Variants in ABCA2 observed in about 807,000 individuals in gnomAD.
The protein encoded by ABCA2 is ATP binding cassette subfamily A member 2.
A neutral mutation model predicts 262.8 loss-of-function variants in ABCA2; 84 were observed. The observed-to-expected ratio is 0.32, with a 90% CI of 0.27 to 0.38. The LOEUF (loss-of-function observed/expected upper bound fraction) is 0.38. ABCA2 is among the 10% of genes least tolerant of loss of function. The pLI is 1.00. For synonymous variants in ABCA2, 1,696 were observed against 1,502.9 expected (o/e 1.13, Z -2.97); for missense variants, 2,662 against 3,405.9 (o/e 0.78, Z 5.44).
At chr9:137,013,361 C>T (rs781564931) in intron 29 of ABCA2, 43 bp from the exon 30 acceptor site, 1 of 1,527,124 alleles carries the variant, frequency 6.5e-7, no homozygotes, top group Non-Finnish European at 8.8e-7. Flanking sequence ...CAGTCTCCGC[C>T]CCTCGCCAGC....
intron 3 of ABCA2, 60 bp from the exon 4 acceptor site, chr9:137,023,112 A>C: frequency 7.7e-7 from 1 of 1,300,238 alleles, no homozygotes; most frequent in Non-Finnish European, 1.1e-6. Context: ...AGAGAGAGGA[A>C]TCCAGAAGGG....
chr9:137,017,152 G>A (rs750660722), intron 18 of ABCA2, 28 bp from the exon 19 acceptor site: 1 of 1,611,568 alleles, frequency 6.2e-7, no homozygotes, highest in African/African-American at 1.3e-5. Context: ...TCAGCACGTG[G>A]GGTGGCCCGG....
In ABCA2 at chr9:137,020,773, G is replaced by T; in HGVS notation, c.1186C>A (p.Pro396Thr). The change falls in exon 9 of 49, where the codon CCG becomes ACG. Residue 396 changes from proline (P) to threonine (T), a missense_variant. Transcript: ENST00000341511. ...GAGCACTGGCCCTGCAGCGTGTCCG[G>T]GGTGGCCAGTGCTGCAGCAGAGGGT... ...GAPSAAALAT[P>T]DTLQGQCSAF... 1 of 1,596,208 alleles carries T rather than the reference G, an allele frequency of 6.3e-7. No homozygotes were observed.
Position 137,021,485 on chromosome 9 carries a change from G to T in ABCA2, c.804C>A (p.Val268=). The part of the protein sequence containing the change: ...KGALQGYRDA[V]CSGQAAARAR... ...CACGCGCAGCAGCCTGCCCACTGCA[G>T]ACAGCATCCCGGTAGCCCTGCAGGG... Residue 268 remains valine (V), a synonymous_variant, in exon 8 of 49, where the codon GTC becomes GTA. Transcript: ENST00000341511. The surrounding 1 kb of genome is among the most constrained non-coding windows in gnomAD (Gnocchi z 6.0). The T allele has an allele frequency of 6.2e-7, 1 of 1,611,568 alleles. No homozygotes were observed. The highest frequency in any genetic ancestry group is 8.5e-7 in the Non-Finnish European group (1 of 1,179,474).
At position 137,007,803 on chromosome 9, in the gene ABCA2, C is replaced by T. The variant is rs1180303451; in HGVS notation, c.*126G>A. 6 of 1,320,246 alleles carry T rather than the reference C, an allele frequency of 4.5e-6. No individual in the cohort carries two copies. The East Asian group carries it at 1.3e-4, about 28-fold the overall frequency. 81.8% of individuals were successfully genotyped at this position (1,320,246 alleles called of 1,614,324 possible). ...TACAGGGGCTGGAGGACCAGAAGCC[C>T]CTTGGTCCTGAACCTCCACTCCAGG... On this transcript the variant is annotated 3_prime_UTR_variant, in exon 49 of 49. Transcript: ENST00000341511.
chr9:137,020,829 A>G lies in ABCA2; in HGVS notation c.1130T>C (p.Met377Thr), dbSNP rs1277055299. The change falls in exon 9 of 49, where the codon ATG becomes ACG. Residue 377 changes from methionine (M) to threonine (T), a missense_variant. Around this residue, in one of 12 missense-constraint regions of ABCA2, gnomAD observed 403 missense variants for 375.9 expected, o/e 1.07. Transcript: ENST00000341511. Reference sequence around the variant, plus strand: ...CTCCTCAGCGGTGGCGTTGGGGCCCATGACTGCCCCTGCCCCAGTGCCATT... The same window carrying G: ...CTCCTCAGCGGTGGCGTTGGGGCCCGTGACTGCCCCTGCCCCAGTGCCATT... ...AANGTGAGAV[M>T]GPNATAEEGA... The G allele has an allele frequency of 1.9e-6, 3 of 1,555,652 alleles. No individual in the cohort carries two copies. Among genetic ancestry groups the G allele is most frequent in the African/African-American group, 1.4e-5 (1 of 73,376 alleles).
Position 137,022,799 on chromosome 9 carries a change from C to T in ABCA2, c.342G>A (p.Arg114=). 6.3e-7 allele frequency: 1 copy of T among 1,593,962 alleles called. No homozygotes were observed. The highest frequency in any genetic ancestry group is 8.5e-7 in the Non-Finnish European group (1 of 1,171,758). The part of the protein sequence containing the change: ...VEEGNLFDPA[R]PSLGSELEAL... ...CCTCGAGCTCTGAGCCCAGGCTGGG[C>T]CGCGCTGGGTCAAACAGGTTGCCTT... The change falls in exon 5 of 49, where the codon CGG becomes CGA. Residue 114 remains arginine, a synonymous_variant. Coordinates refer to ENST00000341511, the MANE Select transcript of ABCA2 (RefSeq NM_001606.5).
In ABCA2 at chr9:137,022,346, C is replaced by T. The variant is rs1831499301; in HGVS notation, c.567+5G>A. 1 of 1,599,670 alleles carries T rather than the reference C, an allele frequency of 6.3e-7. No homozygotes were observed. The highest frequency in any genetic ancestry group is 1.1e-5 in the South Asian group (1 of 89,032). On this transcript the variant is annotated splice_donor_5th_base_variant and intron_variant, in intron 6 of 48. Transcript: ENST00000341511. ...GGCCAGGGCTGGGAGCTGTCCCTGCCTTACCTCGGGCGGGTCCACACGGGC... is the reference window on the plus strand; with the variant it reads ...GGCCAGGGCTGGGAGCTGTCCCTGCTTTACCTCGGGCGGGTCCACACGGGC...
Position 137,020,364 on chromosome 9 carries a change from C to T in ABCA2, c.1397G>A (p.Gly466Asp). 7.4e-6 allele frequency: 12 copies of T among 1,612,968 alleles called. No individual in the cohort carries two copies. Among genetic ancestry groups the T allele is most frequent in the Non-Finnish European group, 1.0e-5 (12 of 1,179,984 alleles). The change falls in exon 10 of 49, where the codon GGC (glycine) becomes GAC (aspartate). Residue 466 changes from glycine (G) to aspartate (D), a missense_variant. Coordinates refer to ENST00000341511, the MANE Select transcript of ABCA2 (RefSeq NM_001606.5). ...GAGGATGACGCGGTCGACCTCAGAGCCCGCAGGCGCGTACAGGATTTTGGG... is the reference window on the plus strand; with the variant it reads ...GAGGATGACGCGGTCGACCTCAGAGTCCGCAGGCGCGTACAGGATTTTGGG... ...SNPKILYAPA[G>D]SEVDRVILKA...
At chr9:137,020,265 A>T in intron 10 of ABCA2, 71 bp downstream of exon 10, 1 of 1,591,888 alleles carries the variant, frequency 6.3e-7, no homozygotes, top group Non-Finnish European at 8.5e-7. Context: ...CCCTCTGCCC[A>T]GGGGTCCCAG....
At position 137,009,071 on chromosome 9, in the gene ABCA2, TGGCCCGGAG is replaced by T; in HGVS notation, c.6828-27_6828-19del. The T allele has an allele frequency of 2.5e-6, 4 of 1,601,314 alleles. No individual in the cohort carries two copies. Among genetic ancestry groups the T allele is most frequent in the Non-Finnish European group, 3.4e-6 (4 of 1,178,590 alleles). Reference sequence around the variant, plus strand: ...CTCCAAACCTGGTGGGACAGGCCGGTGGCCCGGAGCCCTGCGCCGCCCAGCCAGAGCCCC... The same window carrying T: ...CTCCAAACCTGGTGGGACAGGCCGGTCCCTGCGCCGCCCAGCCAGAGCCCC... On this transcript the variant is annotated intron_variant, in intron 45 of 48. Coordinates refer to ENST00000341511, the MANE Select transcript of ABCA2 (RefSeq NM_001606.5).
chr9:137,010,074 T>C lies in ABCA2; in HGVS notation c.6404A>G (p.Gln2135Arg). Residue 2135 changes from glutamine (Q) to arginine (R), a missense_variant, in exon 42 of 49, where the codon CAG becomes CGG. Transcript: ENST00000341511. ...QVQQSLGYCPQCDALFDELTA... is the reference protein window; with the variant it reads ...QVQQSLGYCPRCDALFDELTA... ...GAGCTCGTCGAACAGCGCGTCACACTGCGGGCAGTAGCCGAGGCTCTGCTG... is the reference window on the plus strand; with the variant it reads ...GAGCTCGTCGAACAGCGCGTCACACCGCGGGCAGTAGCCGAGGCTCTGCTG... 1 of 1,600,432 alleles carries C rather than the reference T, an allele frequency of 6.2e-7. No individual in the cohort carries two copies. The highest frequency in any genetic ancestry group is 8.5e-7 in the Non-Finnish European group (1 of 1,177,360).
Position 137,016,728 on chromosome 9 carries a change from C to T in ABCA2, c.2769G>A (p.Gly923=), listed in dbSNP as rs1831271888. 1 of 1,553,000 alleles carries T rather than the reference C, an allele frequency of 6.4e-7. No homozygotes were observed. Among genetic ancestry groups the T allele is most frequent in the Non-Finnish European group, 8.7e-7 (1 of 1,151,348 alleles). ...GTGGGAAGTACCAGGGCCGGGGCAG[C>T]CCGTACATGCCTGGGGGTCGGGGAG... ...YIEAVHPGMY[G]LPRPWYFPLQ... is the part of the protein sequence containing the mutation. Residue 923 remains glycine (G), a synonymous_variant, in exon 20 of 49, where the codon GGG becomes GGA. Coordinates refer to ENST00000341511, the MANE Select transcript of ABCA2 (RefSeq NM_001606.5).
In ABCA2 at chr9:137,015,705, T is replaced by C; in HGVS notation, c.3484A>G (p.Ile1162Val). 6.2e-7 allele frequency: 1 copy of C among 1,610,272 alleles called. No homozygotes were observed. The highest frequency in any genetic ancestry group is 8.5e-7 in the Non-Finnish European group (1 of 1,178,976). Reference protein sequence around the residue: ...AGVDPYARRAIWDLILKYKPG... With the variant: ...AGVDPYARRAVWDLILKYKPG... Reference sequence around the variant, plus strand: ...TTGTACTTCAGGATGAGGTCCCAGATGGCGCGGCGCGCGTAGGGGTCCACG... The same window carrying C: ...TTGTACTTCAGGATGAGGTCCCAGACGGCGCGGCGCGCGTAGGGGTCCACG... Residue 1162 changes from isoleucine to valine, a missense_variant, in exon 23 of 49, where the codon ATC becomes GTC. By Grantham distance (29) the Ile-to-Val change is conservative (BLOSUM62 3). Coordinates refer to ENST00000341511, the MANE Select transcript of ABCA2 (RefSeq NM_001606.5).
chr9:137,013,728 G>A, intron 28 of ABCA2, 104 bp downstream of exon 28: 1 of 1,397,824 alleles, frequency 7.2e-7, no homozygotes, highest in Non-Finnish European at 9.8e-7. Flanking sequence ...CTCAGGTGTG[G>A]GGTGAGGCCC....
rs1456172982 is a variant in ABCA2 at position 137,016,534 on chromosome 9, C to T, written c.2923+40G>A. ...GCCAAGGCCACCCAGGACTCTGAAC[C>T]CAGCGCCCACCCCAGCCACCATTCT... On this transcript the variant is annotated intron_variant, in intron 20 of 48. Coordinates refer to ENST00000341511, the MANE Select transcript of ABCA2 (RefSeq NM_001606.5). The T allele has an allele frequency of 2.5e-6, 4 of 1,612,080 alleles. No individual in the cohort carries two copies. In the East Asian group the frequency reaches 6.7e-5, roughly 27 times the overall value.
rs200927243 is a variant in ABCA2, at chr9:137,010,695, G to A, written c.6099C>T (p.Asp2033=). The part of the protein sequence containing the change: ...VSTKPVEDDV[D]VASERQRVLR... ...GCACTCGCTGCCGCTCACTGGCCAC[G>A]TCCACATCATCCTCCACAGGCTTGG... The change falls in exon 40 of 49, where the codon GAC becomes GAT. Residue 2033 remains aspartate, a synonymous_variant. Coordinates refer to ENST00000341511, the MANE Select transcript of ABCA2 (RefSeq NM_001606.5). 282 of 1,605,954 alleles carry A rather than the reference G, an allele frequency of 1.8e-4. No individual in the cohort carries two copies. The highest frequency in any genetic ancestry group is 4.4e-4 in the African/African-American group (33 of 74,518).
Position 137,013,576 on chromosome 9 carries a change from G to A in ABCA2, c.4448-13C>T, listed in dbSNP as rs1179681620. 1.2e-6 allele frequency: 2 copies of A among 1,600,206 alleles called. No homozygotes were observed. The stretch of plus-strand genomic sequence containing the variant: ...GGGGGCAGATCACCTGGCAGGGCGA[G>A]CAGGGAGGCCTGAGCAGGTTCTGCC... On this transcript the variant is annotated splice_polypyrimidine_tract_variant and intron_variant, in intron 28 of 48. Coordinates refer to ENST00000341511, the MANE Select transcript of ABCA2 (RefSeq NM_001606.5).
At position 137,009,917 on chromosome 9, in the gene ABCA2, G is replaced by T; in HGVS notation, c.6496-14C>A. 6.2e-7 allele frequency: 1 copy of T among 1,602,600 alleles called. No homozygotes were observed. Among genetic ancestry groups the T allele is most frequent in the Non-Finnish European group, 8.5e-7 (1 of 1,173,138 alleles). ...CCACTTCACCACCTGGCCAGGGAAC[G>T]CAGGTGTCAGTGGAGGCAGGGCCAC... On this transcript the variant is annotated splice_polypyrimidine_tract_variant and intron_variant, in intron 42 of 48. Transcript: ENST00000341511.
Sources: allele counts gnomAD v4.1 joint callset, GRCh38; gene constraint gnomAD v4.1.1; regional missense constraint gnomAD v4.1.1; non-coding constraint Gnocchi (gnomAD v3.1); transcripts MANE v1.5; gene names NCBI Gene and HGNC (gene_info 2026-07-23, HGNC 2026-07-21).